Variants in PIR observed in about 807,000 individuals in gnomAD.
The protein encoded by PIR is pirin.
In PIR, 22 loss-of-function variants were observed where a neutral mutation model predicts 24.2. The observed-to-expected ratio is 0.91, with a 90% CI of 0.65 to 1.30. The LOEUF (loss-of-function observed/expected upper bound fraction) is 1.30, where lower values mean the gene tolerates loss of function less well. Ranked by LOEUF, PIR falls within the 50% of genes most tolerant of loss-of-function variation. PIR has a pLI of 0.00. For synonymous variants in PIR, 80 were observed against 79.6 expected (o/e 1.00, Z -0.03); for missense variants, 220 against 220.3 (o/e 1.00, Z 0.01).
rs376903645 is a variant in PIR, at chrX:15,390,289, C to T, written c.694-38G>A. The T allele has an allele frequency of 5.8e-4, 476 of 813,864 alleles. 1 individual carries two copies. Among genetic ancestry groups the T allele is most frequent in the Non-Finnish European group, 7.8e-4 (437 of 562,841 alleles). 67.1% of individuals were successfully genotyped at this position (813,864 alleles called of 1,213,427 possible). ...AAGAAAACATCAAACAATAAGCAGGCTTATTTTTGAAGATCAAATTGTGAA... is the reference window on the plus strand; with the variant it reads ...AAGAAAACATCAAACAATAAGCAGGTTTATTTTTGAAGATCAAATTGTGAA... On this transcript the variant is annotated intron_variant, in intron 8 of 9. Transcript: ENST00000380420.
intron 6 of PIR, among the ~76,000 whole-genome samples, chrX:15,423,222 GAT>G: frequency 9.5e-6 from 1 of 105,171 alleles, no homozygotes; most frequent in South Asian, 4.8e-4. Flanking sequence ...ACTGGACAAA[GAT>G]ATTTTGTGTA....
chrX:15,439,176 T>C, intron 5 of PIR, among the ~76,000 whole-genome samples: 1 of 111,966 alleles, frequency 8.9e-6, no homozygotes, highest in Non-Finnish European at 1.9e-5. Flanking sequence ...TTGACACATA[T>C]AAAGAACTCA....
intron 3 of PIR, 136 bp from the exon 4 acceptor site, chrX:15,459,876 G>A: frequency 3.3e-6 from 1 of 300,295 alleles, no homozygotes; most frequent in Non-Finnish European, 6.0e-6. Flanking sequence ...AATATGGTTT[G>A]CAAACATTTT....
intron 3 of PIR, among the ~76,000 whole-genome samples, chrX:15,478,023 C>CTA (rs3058993): frequency 9.7e-6 from 1 of 102,666 alleles, no homozygotes; most frequent in East Asian, 3.2e-4. Flanking sequence ...TTCCCCCCCC[C>CTA]CCAGAAAGCA....
intron 3 of PIR, among the ~76,000 whole-genome samples, chrX:15,463,843 C>G (rs1921421913): frequency 8.9e-6 from 1 of 112,131 alleles, no homozygotes; most frequent in Non-Finnish European, 1.9e-5. Flanking sequence ...CAGTAATCCC[C>G]CACTACATAC....
rs112091323 is a variant in PIR, at chrX:15,440,687, T to C, written c.481-14697A>G. On this transcript the variant is annotated intron_variant, in intron 5 of 9. Coordinates refer to ENST00000380420, the MANE Select transcript of PIR (RefSeq NM_001018109.3). The stretch of plus-strand genomic sequence containing the variant: ...AAGGGTGTCAAGTGGCAGCATATTA[T>C]TCAAATTTCTATGTTTCTGCATATT... Among the ~76,000 whole-genome samples, 817 of 111,369 alleles carry C rather than the reference T, an allele frequency of 7.3e-3. 10 individuals are homozygous for C. Among genetic ancestry groups the C allele is most frequent in the African/African-American group, 0.025 (775 of 30,635 alleles).
At chrX:15,476,297 T>C (rs1158864741) in intron 3 of PIR, among the ~76,000 whole-genome samples, 1 of 112,334 alleles carries the variant, frequency 8.9e-6, no homozygotes, top group Non-Finnish European at 1.9e-5. Context: ...TTACATTTTA[T>C]ACTCATGTGT....
At chrX:15,422,143 G>A (rs1160118858) in intron 6 of PIR, among the ~76,000 whole-genome samples, 1 of 110,456 alleles carries the variant, frequency 9.1e-6, no homozygotes, top group African/African-American at 3.3e-5. Context: ...TAGAATGAAC[G>A]TACCTCAAAA....
chrX:15,416,904 G>T (rs1201767482), intron 6 of PIR, among the ~76,000 whole-genome samples: 2 of 111,702 alleles, frequency 1.8e-5, no homozygotes, highest in Admixed American at 1.9e-4. Context: ...GTCAAGCCTT[G>T]AGATGACCAC....
intron 8 of PIR, among the ~76,000 whole-genome samples, chrX:15,394,988 A>G (rs1924080319): frequency 8.9e-6 from 1 of 112,120 alleles, no homozygotes. Context: ...AAGAGTAGTA[A>G]AAGTGCAGGA....
At chrX:15,455,216 G>A (rs976929972) in intron 5 of PIR, among the ~76,000 whole-genome samples, 3 of 112,161 alleles carry the variant, frequency 2.7e-5, no homozygotes, top group African/African-American at 9.7e-5. Flanking sequence ...GGCATTTGCC[G>A]CACCCCTTTC....
intron 3 of PIR, among the ~76,000 whole-genome samples, chrX:15,461,125 A>G (rs1173208823): frequency 9.0e-6 from 1 of 111,642 alleles, no homozygotes; most frequent in Non-Finnish European, 1.9e-5. Context: ...CCAGCAGATG[A>G]TGGTCCTGGC....
intron 2 of PIR, among the ~76,000 whole-genome samples, chrX:15,488,278 C>CAA (rs1184870069): frequency 0.017 from 541 of 31,589 alleles, 22 homozygotes; most frequent in African/African-American, 0.047. Context: ...AACTCCGTCT[C>CAA]AAAAAAAAAA....
intron 5 of PIR, among the ~76,000 whole-genome samples, chrX:15,438,877 G>A (rs1321195285): frequency 9.0e-6 from 1 of 111,475 alleles, no homozygotes; most frequent in East Asian, 2.8e-4. Flanking sequence ...GGGACATGTG[G>A]CCTATTCAGA....
chrX:15,479,298 A>G (rs1173085987), intron 3 of PIR, among the ~76,000 whole-genome samples: 1 of 109,721 alleles, frequency 9.1e-6, no homozygotes, highest in African/African-American at 3.3e-5. Context: ...GGTTACACAC[A>G]TCTGAACATT....
chrX:15,389,426 C>T (rs769318520), intron 9 of PIR, among the ~76,000 whole-genome samples: 25 of 112,080 alleles, frequency 2.2e-4, no homozygotes, highest in African/African-American at 7.8e-4. Context: ...TGGGGTTTAT[C>T]TGCAATCATT....
At chrX:15,408,253 G>A (rs1450636878) in intron 6 of PIR, among the ~76,000 whole-genome samples, 6 of 111,624 alleles carry the variant, frequency 5.4e-5, no homozygotes, top group African/African-American at 1.6e-4. Flanking sequence ...CACCGTACCC[G>A]GCCTGCTTTT....
At chrX:15,460,444 G>T (rs753092144) in intron 3 of PIR, among the ~76,000 whole-genome samples, 2 of 111,367 alleles carry the variant, frequency 1.8e-5, no homozygotes, top group Non-Finnish European at 3.8e-5. Context: ...TCAGCAACAC[G>T]GATGAACCTG....
intron 3 of PIR, chrX:15,478,671 TCCCTTTACACTGTGGTGGTG>T (rs1189785129): frequency 2.7e-5 from 3 of 111,723 alleles, no homozygotes; most frequent in Admixed American, 1.9e-4. Flanking sequence ...TGGTTCATTA[TCCCTTTACACTGTGGTGGTG>T]CCCTTTCCCA....
Sources: allele counts gnomAD v4.1 joint callset (sites outside exome capture counted in the v4.1 genomes callset), GRCh38; gene constraint gnomAD v4.1.1; transcripts MANE v1.5; gene names NCBI Gene and HGNC (gene_info 2026-07-23, HGNC 2026-07-21).